Variants in GK5 observed in about 807,000 individuals in gnomAD.
GK5 encodes the protein glycerol kinase 5.
A neutral mutation model predicts 77.3 loss-of-function variants in GK5; 39 were observed. That is an observed-to-expected ratio of 0.50 (90% CI 0.39 to 0.66). The LOEUF is 0.66. Ranked by LOEUF, GK5 falls within the 30% of genes least tolerant of loss-of-function variation. The probability of loss-of-function intolerance (pLI) is 0.00; values close to 1 mark genes in which losing one functional copy is unlikely to be tolerated. For synonymous variants in GK5, 211 were observed against 208.0 expected (o/e 1.01, Z -0.13); for missense variants, 487 against 633.8 (o/e 0.77, Z 2.49).
intron 9 of GK5, chr3:142,185,483 G>T: frequency 1.0e-6 from 1 of 986,266 alleles, no homozygotes; most frequent in Non-Finnish European, 1.2e-6. Flanking sequence ...GGTAGATGAT[G>T]GCTAAGGACT....
chr3:142,179,493 G>A (rs2063664698), intron 11 of GK5, among the ~76,000 whole-genome samples: 1 of 152,140 alleles, frequency 6.6e-6, no homozygotes, highest in Admixed American at 6.5e-5. Context: ...TCCAGCCTGG[G>A]CAACATAGCG....
chr3:142,179,593 TA>T (rs1405132372), intron 11 of GK5, among the ~76,000 whole-genome samples: 1 of 152,224 alleles, frequency 6.6e-6, no homozygotes, highest in Non-Finnish European at 1.5e-5. Context: ...AGATAAGATG[TA>T]GGAAAACATA....
chr3:142,175,804 G>GT (rs1423450132), intron 12 of GK5, among the ~76,000 whole-genome samples: 4 of 149,536 alleles, frequency 2.7e-5, no homozygotes, highest in Non-Finnish European at 4.4e-5. Flanking sequence ...AATCTTTTGG[G>GT]TTTAAAACTT....
Position 142,222,563 on chromosome 3 carries a change from C to CA in GK5, c.147+2745dup, listed in dbSNP as rs918156029. Among the ~76,000 whole-genome samples the CA allele has an allele frequency of 2.5e-3, 335 of 132,796 alleles. 1 individual carries two copies. The highest frequency in any genetic ancestry group is 2.9e-3 in the Non-Finnish European group (179 of 61,364). The allele number at this position is 132,796 out of a possible 152,430, so 87.1% of individuals were successfully genotyped here. A position where few individuals can be genotyped will look rare whatever the true frequency, so the allele number is the denominator to read the frequency against. ...TGGGCGACAGAGCGAGACTCCATCT[C>CA]AAAAAAAAAAAAAATTATATTCATT... On this transcript the variant is annotated intron_variant, in intron 1 of 15. Transcript: ENST00000392993.
At chr3:142,192,575 C>A (rs1314350987) in intron 5 of GK5, among the ~76,000 whole-genome samples, 1 of 152,002 alleles carries the variant, frequency 6.6e-6, no homozygotes, top group African/African-American at 2.4e-5. Context: ...AGCAGCCTGG[C>A]CAACATGATG....
At chr3:142,225,198 T>A (rs2064410378) in intron 1 of GK5, 111 bp downstream of exon 1, 1 of 1,211,014 alleles carries the variant, frequency 8.3e-7, no homozygotes, top group Admixed American at 3.6e-5. Flanking sequence ...GTGCTGCAGG[T>A]GGCCGCGTCC....
intron 11 of GK5, among the ~76,000 whole-genome samples, chr3:142,178,247 A>G (rs1359815505): frequency 3.3e-5 from 5 of 152,174 alleles, no homozygotes; most frequent in African/African-American, 1.2e-4. Context: ...GAAAGATAAG[A>G]GCCATCCTAG....
Position 142,183,997 on chromosome 3 carries a change from G to A in GK5, c.817-948C>T, listed in dbSNP as rs373013026. 4.7e-4 allele frequency among the ~76,000 whole-genome samples: 71 copies of A among 151,698 alleles called. No homozygotes were observed. In the South Asian group the frequency reaches 0.014, roughly 30 times the overall value. ...TAAGAGGCCAGGCGCGGTGACTCAC[G>A]CCTGTAATCCCAACACTTTGGGAGG... is the stretch of plus-strand genomic sequence containing the variant. On this transcript the variant is annotated intron_variant, in intron 9 of 15. Coordinates refer to ENST00000392993, the MANE Select transcript of GK5 (RefSeq NM_001039547.3).
intron 10 of GK5, among the ~76,000 whole-genome samples, chr3:142,181,863 A>T (rs1020887569): frequency 1.3e-5 from 2 of 152,248 alleles, no homozygotes; most frequent in South Asian, 2.1e-4. Flanking sequence ...ATGAACAATA[A>T]ATACTAATTT....
rs1293989369 is a variant in GK5, at chr3:142,225,526, G to A, written c.-71C>T. On this transcript the variant is annotated 5_prime_UTR_variant, in exon 1 of 16. Transcript: ENST00000392993. ...GCGCTACAAATCCCAATGCTCCAGA[G>A]TCCCCGGGCGGCCCAACCCGGGCCC... 6.5e-7 allele frequency: 1 copy of A among 1,530,280 alleles called. No homozygotes were observed. Among genetic ancestry groups the A allele is most frequent in the Non-Finnish European group, 8.7e-7 (1 of 1,145,198 alleles). The allele number at this position is 1,530,280 out of a possible 1,614,324, so 94.8% of individuals were successfully genotyped here.
chr3:142,177,569 G>A lies in GK5; in HGVS notation c.1056C>T (p.Phe352=). The change falls in exon 12 of 16, where the codon TTC becomes TTT. Residue 352 remains phenylalanine, a synonymous_variant. Transcript: ENST00000392993. ...AIKWAQQLDL[F]TDAAETEKMA... ...TTTTTTCAGTCTCAGCAGCATCTGT[G>A]AAAAGGTCTGCAAAAACAAACAAAC... 1 of 1,603,804 alleles carries A rather than the reference G, an allele frequency of 6.2e-7. No homozygotes were observed. Among genetic ancestry groups the A allele is most frequent in the Non-Finnish European group, 8.5e-7 (1 of 1,172,878 alleles).
intron 10 of GK5, among the ~76,000 whole-genome samples, chr3:142,182,592 G>A (rs1220587427): frequency 6.6e-6 from 1 of 151,974 alleles, no homozygotes; most frequent in African/African-American, 2.4e-5. Flanking sequence ...AGGGTGATCT[G>A]CCCACCTCAG....
intron 9 of GK5, 195 bp downstream of exon 9, chr3:142,185,734 C>T: frequency 6.5e-7 from 1 of 1,539,166 alleles, no homozygotes; most frequent in Non-Finnish European, 8.7e-7. Flanking sequence ...AGAATACTGG[C>T]TCAATGGTCC....
chr3:142,215,677 G>C lies in GK5; in HGVS notation c.163C>G (p.Pro55Ala). Reference sequence around the variant, plus strand: ...TCAATTTCTACCCAGCCAATTTGAGGATAAAGATTTTCTACCTATTAAGGA... The same window carrying C: ...TCAATTTCTACCCAGCCAATTTGAGCATAAAGATTTTCTACCTATTAAGGA... ...SSVQKVENLY[P>A]QIGWVEIDPD... Residue 55 changes from proline (P) to alanine (A), a missense_variant, in exon 2 of 16, where the codon CCT becomes GCT. Transcript: ENST00000392993. 1 of 1,575,160 alleles carries C rather than the reference G, an allele frequency of 6.3e-7. No homozygotes were observed. Among genetic ancestry groups the C allele is most frequent in the South Asian group, 1.1e-5 (1 of 88,404 alleles).
intron 1 of GK5, among the ~76,000 whole-genome samples, chr3:142,216,104 C>A (rs528424557): frequency 2.0e-5 from 3 of 152,302 alleles, no homozygotes; most frequent in East Asian, 3.9e-4. Context: ...ATGCATGGAG[C>A]AGCCATTGTG....
chr3:142,172,633 C>A lies in GK5; in HGVS notation c.1144-177G>T, dbSNP rs188681621. 3.0e-3 allele frequency among the ~76,000 whole-genome samples: 458 copies of A among 152,008 alleles called. 6 individuals carry two copies. Among genetic ancestry groups the A allele is most frequent in the African/African-American group, 9.2e-3 (382 of 41,456 alleles). On this transcript the variant is annotated intron_variant, in intron 12 of 15. Transcript: ENST00000392993. ...GGATAACTTTTTAACAGCATTTAAG[C>A]GATATTGAGTCATAGTTACTGTACT...
intron 4 of GK5, among the ~76,000 whole-genome samples, chr3:142,203,571 G>A (rs1294981610): frequency 2.0e-5 from 3 of 152,238 alleles, no homozygotes; most frequent in East Asian, 1.9e-4. Flanking sequence ...TCAGGAGATC[G>A]AGACCATCCT....
At chr3:142,190,121 G>A (rs1209102057) in intron 5 of GK5, among the ~76,000 whole-genome samples, 1 of 152,074 alleles carries the variant, frequency 6.6e-6, no homozygotes, top group Non-Finnish European at 1.5e-5. Flanking sequence ...AAAATATTAA[G>A]AACTTGATGG....
intron 12 of GK5, among the ~76,000 whole-genome samples, chr3:142,175,077 T>C (rs1021933353): frequency 6.6e-6 from 1 of 152,182 alleles, no homozygotes. Context: ...CTGCTGTCAG[T>C]TGCTGACTGC....
Sources: allele counts gnomAD v4.1 joint callset (sites outside exome capture counted in the v4.1 genomes callset), GRCh38; gene constraint gnomAD v4.1.1; transcripts MANE v1.5; gene names NCBI Gene and HGNC (gene_info 2026-07-23, HGNC 2026-07-21).